WWC1: variants seen among roughly 807,000 people sequenced by gnomAD.
The protein encoded by WWC1 is WW and C2 domain containing 1, also known as protein KIBRA.
In WWC1, 55 loss-of-function variants were observed where a neutral mutation model predicts 138.4. The ratio of observed to expected loss-of-function variants is 0.40; its 90% CI spans 0.32 to 0.50. The LOEUF (loss-of-function observed/expected upper bound fraction) is 0.50, where lower values mean the gene tolerates loss of function less well. Among genes scored for constraint, WWC1 ranks in the 20% least tolerant of loss-of-function variants. The probability of loss-of-function intolerance (pLI) is 0.72; values close to 1 mark genes in which losing one functional copy is unlikely to be tolerated. For missense variants in WWC1, 1,226 were observed against 1,420.4 expected, an observed-to-expected ratio of 0.86 and a Z score of 2.20; for synonymous variants, 524 against 564.9, an observed-to-expected ratio of 0.93 and a Z score of 1.03.
At chr5:168,293,546 C>T (rs142941671) in intron 1 of WWC1, among the ~76,000 whole-genome samples, 1 of 152,308 alleles carries the variant, frequency 6.6e-6, no homozygotes, top group Non-Finnish European at 1.5e-5. Context: ...GATGCCTCCT[C>T]TACACTCAGC....
In WWC1 at chr5:168,339,043, A is replaced by G. The variant is rs905083539; in HGVS notation, c.120-32381A>G. ...TGCTAATTACCCTGATCTGATCACTATACATTGTATGTATCAAAACATCAC... is the reference window on the plus strand; with the variant it reads ...TGCTAATTACCCTGATCTGATCACTGTACATTGTATGTATCAAAACATCAC... On this transcript the variant is annotated intron_variant, in intron 1 of 22. Coordinates refer to ENST00000265293, the MANE Select transcript of WWC1 (RefSeq NM_015238.3). Among the ~76,000 whole-genome samples, 13 of 152,372 alleles carry G rather than the reference A, an allele frequency of 8.5e-5. No homozygotes were observed. In the East Asian group the frequency reaches 1.3e-3, roughly 16 times the overall value.
chr5:168,376,951 A>G (rs72828887), intron 2 of WWC1, among the ~76,000 whole-genome samples: 9,183 of 152,324 alleles, frequency 0.06, 298 homozygotes, highest in African/African-American at 0.077. Context: ...ATTTCGAGCC[A>G]GAAAAGAGTC....
At chr5:168,393,592 C>T (rs1778664405) in intron 3 of WWC1, among the ~76,000 whole-genome samples, 1 of 152,072 alleles carries the variant, frequency 6.6e-6, no homozygotes, top group Non-Finnish European at 1.5e-5. Context: ...AGCTCATTTC[C>T]TTCATGGTTT....
intron 17 of WWC1, 137 bp from the exon 18 acceptor site, chr5:168,453,831 C>A: frequency 2.1e-6 from 3 of 1,460,454 alleles, no homozygotes; most frequent in Non-Finnish European, 2.7e-6. Context: ...CAGGTGTGAG[C>A]CTGGCCCCCC....
chr5:168,340,647 T>G (rs1350738085), intron 1 of WWC1, among the ~76,000 whole-genome samples: 1 of 152,246 alleles, frequency 6.6e-6, no homozygotes, highest in African/African-American at 2.4e-5. Context: ...TCATCCATGT[T>G]GAGGCATGTA....
chr5:168,299,104 A>G (rs1338538338), intron 1 of WWC1, among the ~76,000 whole-genome samples: 3 of 152,144 alleles, frequency 2.0e-5, no homozygotes, highest in Non-Finnish European at 2.9e-5. Context: ...AGGTTTAGTA[A>G]CTTGCTCAAG....
At chr5:168,373,828 C>T (rs921594337) in intron 2 of WWC1, among the ~76,000 whole-genome samples, 3 of 149,016 alleles carry the variant, frequency 2.0e-5, no homozygotes, top group Non-Finnish European at 3.0e-5. Flanking sequence ...GGGCGGATCA[C>T]GAGGTCAGGA....
rs1779007785 is a variant in WWC1 at position 168,397,745 on chromosome 5, G to A, written c.455G>A (p.Ser152Asn). The change falls in exon 4 of 23, where the codon AGC becomes AAC. Residue 152 changes from serine (S) to asparagine (N), a missense_variant. Coordinates refer to ENST00000265293, the MANE Select transcript of WWC1 (RefSeq NM_015238.3). ...ACAGTGGTCTCTGGTTCATCATCCA[G>A]CTCCAAGTATGACCCTGAGATCCTG... is the stretch of plus-strand genomic sequence containing the variant. ...QVSLVSGSSS[S>N]SKYDPEILKA... 1.9e-6 allele frequency: 3 copies of A among 1,613,790 alleles called. No homozygotes were observed. The highest frequency in any genetic ancestry group is 2.5e-6 in the Non-Finnish European group (3 of 1,179,948).
chr5:168,441,904 C>A, intron 16 of WWC1, 70 bp downstream of exon 16: 1 of 1,551,298 alleles, frequency 6.4e-7, no homozygotes, highest in South Asian at 1.2e-5. Flanking sequence ...AAGCCTCTCC[C>A]AGAACTGGAG....
At chr5:168,326,471 C>A (rs1772562120) in intron 1 of WWC1, among the ~76,000 whole-genome samples, 1 of 152,144 alleles carries the variant, frequency 6.6e-6, no homozygotes, top group African/African-American at 2.4e-5. Flanking sequence ...CCCGCCTCAG[C>A]CTCCCAAAGT....
intron 1 of WWC1, among the ~76,000 whole-genome samples, chr5:168,361,956 G>A (rs1326517829): frequency 6.6e-6 from 1 of 152,116 alleles, no homozygotes. Context: ...GGTGGCAGGC[G>A]CCTGTGGTCC....
intron 7 of WWC1, 101 bp downstream of exon 7, chr5:168,408,754 C>A: frequency 6.6e-7 from 1 of 1,515,258 alleles, no homozygotes; most frequent in South Asian, 1.2e-5. Flanking sequence ...AGGGAGCTGG[C>A]CAGGGGTTCT....
chr5:168,437,243 C>A (rs918878565), intron 15 of WWC1, among the ~76,000 whole-genome samples: 8 of 152,166 alleles, frequency 5.3e-5, no homozygotes, highest in Non-Finnish European at 1.0e-4. Flanking sequence ...TCTCTGCTGT[C>A]TTATCCCCTC....
intron 1 of WWC1, among the ~76,000 whole-genome samples, chr5:168,344,024 A>G (rs1774266140): frequency 6.6e-6 from 1 of 152,092 alleles, no homozygotes; most frequent in Admixed American, 6.6e-5. Flanking sequence ...TGTAGCTGAC[A>G]AGCTATCATG....
At chr5:168,386,245 A>G (rs1446688245) in intron 3 of WWC1, among the ~76,000 whole-genome samples, 1 of 151,276 alleles carries the variant, frequency 6.6e-6, no homozygotes, top group African/African-American at 2.4e-5. Flanking sequence ...CCTTCATATC[A>G]CGTATCACAA....
chr5:168,454,652 C>T (rs770442921), intron 18 of WWC1, among the ~76,000 whole-genome samples: 1 of 152,190 alleles, frequency 6.6e-6, no homozygotes, highest in Non-Finnish European at 1.5e-5. Flanking sequence ...CGTGTTTGAG[C>T]GAGGCTGCAG....
intron 11 of WWC1, among the ~76,000 whole-genome samples, chr5:168,425,487 T>TA (rs1781432439): frequency 6.8e-6 from 1 of 146,886 alleles, no homozygotes; most frequent in South Asian, 2.1e-4. Context: ...GTGCTATTTT[T>TA]AATCTCCTTT....
chr5:168,403,092 C>CCTTTTCTTTCT (rs1561712704), intron 5 of WWC1, among the ~76,000 whole-genome samples: 1 of 102,014 alleles, frequency 9.8e-6, no homozygotes. Flanking sequence ...TCTTTCTTTT[C>CCTTTTCTTTCT]TTTCTTTCTT....
rs1019430922 is a variant in WWC1 at position 168,452,831 on chromosome 5, G to A, written c.2526-1137G>A. 3.3e-5 allele frequency among the ~76,000 whole-genome samples: 5 copies of A among 151,462 alleles called. No homozygotes were observed. The South Asian group carries it at 6.2e-4, about 19-fold the overall frequency. ...CTCCTTTTCCTCAACCACCCGCCTC[G>A]TTCCAACGTTTGGAAGCCCTACCCT... is the stretch of plus-strand genomic sequence containing the variant. On this transcript the variant is annotated intron_variant, in intron 17 of 22. Transcript: ENST00000265293.
Sources: gnomAD v4.1 joint callset for allele counts (sites outside exome capture counted in the v4.1 genomes callset) on GRCh38, gnomAD v4.1.1 for gene constraint, MANE v1.5 for transcripts, NCBI Gene and HGNC (gene_info 2026-07-23, HGNC 2026-07-21) for gene names.